The following REPS2 variants were observed in gnomAD, a reference collection of about 807,000 sequenced individuals.
REPS2 encodes the protein RALBP1 associated Eps domain containing 2.
A neutral mutation model predicts 53.6 loss-of-function variants in REPS2; 23 were observed. That is an observed-to-expected ratio of 0.43 (90% confidence interval 0.31 to 0.61). The LOEUF (loss-of-function observed/expected upper bound fraction) is 0.61. Ranked by LOEUF, REPS2 falls within the 20% of genes least tolerant of loss-of-function variation. The probability of loss-of-function intolerance (pLI) is 0.11; values close to 1 mark genes in which losing one functional copy is unlikely to be tolerated. For synonymous variants in REPS2, 238 were observed against 218.6 expected (o/e 1.09, Z -0.78); for missense variants, 446 against 534.9 (o/e 0.83, Z 1.64).
Position 17,074,139 on chromosome X carries a change from C to T in REPS2, c.1359C>T (p.Leu453=), listed in dbSNP as rs368495237. ...DPATPKDSNS[L]KARPRSRSYS... ...CAACTCCCAAGGATTCCAACAGTCT[C>T]AAAGCAAGACCAAGATCCAGGTAGT... is the stretch of plus-strand genomic sequence containing the variant. Residue 453 remains leucine, a synonymous_variant, in exon 12 of 18, where the codon CTC becomes CTT. Transcript: ENST00000357277. The T allele has an allele frequency of 1.7e-4, 206 of 1,208,085 alleles. No individual in the cohort carries two copies. The South Asian group carries it at 3.4e-3, about 20-fold the overall frequency.
chrX:17,141,488 G>T (rs2063446455), intron 17 of REPS2, among the ~76,000 whole-genome samples: 1 of 111,867 alleles, frequency 8.9e-6, no homozygotes. Flanking sequence ...GAATAAAACT[G>T]CATTTTTTAA....
At chrX:17,024,014 T>C (rs866932562) in intron 3 of REPS2, among the ~76,000 whole-genome samples, 10 of 109,785 alleles carry the variant, frequency 9.1e-5, no homozygotes, top group Middle Eastern at 4.6e-3. Flanking sequence ...TTTGGCTGGG[T>C]GTAGTGGCTC....
the REPS2 span, among the ~76,000 whole-genome samples, chrX:17,179,079 T>C: frequency 9.0e-6 from 1 of 111,362 alleles, no homozygotes; most frequent in Admixed American, 9.5e-5. Flanking sequence ...AGACCAGCTT[T>C]TTAATCTTAG....
intron 5 of REPS2, among the ~76,000 whole-genome samples, chrX:17,040,979 AG>A (rs757868354): frequency 1.4e-3 from 161 of 111,823 alleles, no homozygotes; most frequent in Non-Finnish European, 2.3e-3. Flanking sequence ...ACATTCATTG[AG>A]GGAACAGCTG....
At chrX:17,181,359 G>A in the REPS2 span, among the ~76,000 whole-genome samples, 3 of 112,850 alleles carry the variant, frequency 2.7e-5, no homozygotes, top group African/African-American at 9.7e-5. Context: ...AGCTGGTCTG[G>A]CCATGTGACT....
At chrX:17,105,825 A>G (rs1364238108) in intron 14 of REPS2, among the ~76,000 whole-genome samples, 1 of 112,307 alleles carries the variant, frequency 8.9e-6, no homozygotes, top group Non-Finnish European at 1.9e-5. Flanking sequence ...ACATGGTTAT[A>G]TTTAGTTTTT....
At chrX:17,057,722 T>TTTTTCTTTTC (rs755578029) in intron 8 of REPS2, among the ~76,000 whole-genome samples, 2 of 112,639 alleles carry the variant, frequency 1.8e-5, no homozygotes, top group Admixed American at 9.4e-5. Flanking sequence ...TTGTCTTGTC[T>TTTTTCTTTTC]TTTTCTTTTC....
rs1569079615 is a variant in REPS2 at position 16,946,866 on chromosome X, AGGCGGCAGCGGCGGCGGCGGC to A, written c.18_38del (p.Ala11_Ala17del). On this transcript the variant is annotated inframe_deletion, in exon 1 of 18. Coordinates refer to ENST00000357277, the MANE Select transcript of REPS2 (RefSeq NM_004726.3). ...CCGCGCCCCCTTGCTGGCCCCATGGAGGCGGCAGCGGCGGCGGCGGCGGCGGCAGCGGCAGCGGCAGCGGCG... is the reference window on the plus strand; with the variant it reads ...CCGCGCCCCCTTGCTGGCCCCATGGAGGCGGCAGCGGCAGCGGCAGCGGCG... 4.0e-6 allele frequency: 3 copies of A among 747,550 alleles called. No homozygotes were observed. Among genetic ancestry groups the A allele is most frequent in the Admixed American group, 9.7e-5 (1 of 10,357 alleles). 61.6% of individuals were successfully genotyped at this position (747,550 alleles called of 1,213,427 possible). A position where few individuals can be genotyped will look rare whatever the true frequency, so the allele number is the denominator to read the frequency against.
intron 14 of REPS2, among the ~76,000 whole-genome samples, chrX:17,123,603 T>C (rs1433099079): frequency 8.9e-6 from 1 of 112,476 alleles, no homozygotes; most frequent in Non-Finnish European, 1.9e-5. Flanking sequence ...TTCCTGAGTG[T>C]CTCCAGTGTT....
At chrX:17,121,249 C>T (rs1260183300) in intron 14 of REPS2, among the ~76,000 whole-genome samples, 2 of 112,166 alleles carry the variant, frequency 1.8e-5, no homozygotes, top group African/African-American at 3.2e-5. Context: ...TCCCCAACTT[C>T]CTCCTAAATA....
chrX:16,989,307 C>T (rs1395970682), intron 1 of REPS2, among the ~76,000 whole-genome samples: 1 of 108,685 alleles, frequency 9.2e-6, no homozygotes, highest in Admixed American at 9.8e-5. Context: ...AAAATAACTC[C>T]AAATGTATCA....
At chrX:17,012,867 T>C (rs1484206220) in intron 2 of REPS2, among the ~76,000 whole-genome samples, 3 of 112,316 alleles carry the variant, frequency 2.7e-5, no homozygotes, top group Admixed American at 1.9e-4. Context: ...CAACTTTATG[T>C]TGGCTTTCTT....
intron 1 of REPS2, among the ~76,000 whole-genome samples, chrX:17,000,165 A>G (rs2061289196): frequency 9.0e-6 from 1 of 111,524 alleles, no homozygotes; most frequent in Admixed American, 9.5e-5. Context: ...ATGAAAGTTT[A>G]TAGTAACATA....
At chrX:17,196,230 C>T in the REPS2 span, among the ~76,000 whole-genome samples, 1 of 111,745 alleles carries the variant, frequency 8.9e-6, no homozygotes, top group East Asian at 2.8e-4. Flanking sequence ...AAAACCCTTA[C>T]TGGGGCAATA....
intron 1 of REPS2, among the ~76,000 whole-genome samples, chrX:16,988,518 G>T (rs755486984): frequency 2.5e-4 from 28 of 111,495 alleles, no homozygotes; most frequent in Admixed American, 2.4e-3. Flanking sequence ...AAATACTTGG[G>T]TATAAATCTA....
At chrX:17,112,531 C>A (rs891661069) in intron 14 of REPS2, among the ~76,000 whole-genome samples, 9 of 111,874 alleles carry the variant, frequency 8.0e-5, no homozygotes, top group Non-Finnish European at 1.7e-4. Context: ...AACATCTTCT[C>A]TGATGTCAAT....
intron 5 of REPS2, among the ~76,000 whole-genome samples, chrX:17,037,326 T>C (rs1338085212): frequency 1.8e-5 from 2 of 112,035 alleles, no homozygotes; most frequent in African/African-American, 6.5e-5. Flanking sequence ...ATTGATTGAT[T>C]GAGATGGAGT....
chrX:17,139,903 T>G (rs1191544393), intron 17 of REPS2, among the ~76,000 whole-genome samples: 2 of 111,889 alleles, frequency 1.8e-5, no homozygotes, highest in Non-Finnish European at 3.8e-5. Context: ...CTTGATTACA[T>G]CTGCAAAGAA....
intron 16 of REPS2, chrX:17,138,630 C>A: frequency 3.7e-6 from 1 of 271,339 alleles, no homozygotes; most frequent in South Asian, 1.8e-4. Flanking sequence ...AGCTTTTATT[C>A]AAGTTATAAA....
Sources: allele counts gnomAD v4.1 joint callset (sites outside exome capture counted in the v4.1 genomes callset), GRCh38; gene constraint gnomAD v4.1.1; transcripts MANE v1.5; gene names NCBI Gene and HGNC (gene_info 2026-07-23, HGNC 2026-07-21).